PLEKHA5: variants seen among roughly 807,000 people sequenced by gnomAD.
PLEKHA5 encodes pleckstrin homology domain-containing family A member 5.
PLEKHA5 carries 55 observed loss-of-function variants against 181.9 expected under a neutral mutation model. That is an observed-to-expected ratio of 0.30 (90% CI 0.24 to 0.38). The LOEUF is 0.38. Among genes scored for constraint, PLEKHA5 ranks in the 10% least tolerant of loss-of-function variants. The pLI is 1.00. For synonymous variants in PLEKHA5, 535 were observed against 529.4 expected (o/e 1.01, Z -0.15); for missense variants, 1,432 against 1,549.5 (o/e 0.92, Z 1.27).
chr12:19,285,248 A>G (rs1192137058), intron 12 of PLEKHA5, among the ~76,000 whole-genome samples: 1 of 152,222 alleles, frequency 6.6e-6, no homozygotes, highest in Non-Finnish European at 1.5e-5. Flanking sequence ...AATACAACTT[A>G]ATGTGTATGG....
intron 15 of PLEKHA5, among the ~76,000 whole-genome samples, chr12:19,305,724 G>A (rs1312726761): frequency 6.6e-6 from 1 of 151,796 alleles, no homozygotes; most frequent in Non-Finnish European, 1.5e-5. Context: ...ACTGGGCATT[G>A]TGGCACATGC....
chr12:19,290,810 A>T lies in PLEKHA5; in HGVS notation c.1983+14A>T, dbSNP rs1464281837. 1.3e-6 allele frequency: 2 copies of T among 1,518,532 alleles called. No homozygotes were observed. Among genetic ancestry groups the T allele is most frequent in the East Asian group, 4.9e-5 (2 of 40,568 alleles). The allele number at this position is 1,518,532 out of a possible 1,614,324, so 94.1% of individuals were successfully genotyped here. A position where few individuals can be genotyped will look rare whatever the true frequency, so the allele number is the denominator to read the frequency against. On this transcript the variant is annotated intron_variant, in intron 14 of 31. Coordinates refer to ENST00000429027, the MANE Select transcript of PLEKHA5 (RefSeq NM_001256470.2). ...CACAGCCCAAAGGTCAGCTATGGAG[A>T]GATTTGTCTGTGTCGTCTGCCATCA...
intron 3 of PLEKHA5, among the ~76,000 whole-genome samples, chr12:19,246,429 C>T (rs2063761921): frequency 6.6e-6 from 1 of 151,692 alleles, no homozygotes. Context: ...TTGAGACCAG[C>T]CTGGCTATGA....
chr12:19,264,357 G>C (rs1428514990), intron 7 of PLEKHA5, among the ~76,000 whole-genome samples: 1 of 151,232 alleles, frequency 6.6e-6, no homozygotes, highest in Non-Finnish European at 1.5e-5. Flanking sequence ...CTTTAGAAAA[G>C]ATTATTTTAT....
chr12:19,352,024 C>T (rs1056147812), intron 25 of PLEKHA5, among the ~76,000 whole-genome samples: 20 of 144,342 alleles, frequency 1.4e-4, no homozygotes, highest in Admixed American at 5.9e-4. Flanking sequence ...TACAGTGAGC[C>T]GAGATCACGC....
Position 19,203,100 on chromosome 12 carries a change from C to A in PLEKHA5, c.228-50840C>A, listed in dbSNP as rs977802758. Among the ~76,000 whole-genome samples the A allele has an allele frequency of 2.6e-5, 4 of 152,154 alleles. No individual in the cohort carries two copies. In the East Asian group the frequency reaches 7.7e-4, roughly 29 times the overall value. ...CAAGTTTAAAGGATATATGTAATTA[C>A]AAGATGATCTCAATTTTAAATCAGA... On this transcript the variant is annotated intron_variant, in intron 3 of 31. Transcript: ENST00000429027.
intron 10 of PLEKHA5, among the ~76,000 whole-genome samples, chr12:19,271,380 T>G (rs1364607723): frequency 6.6e-6 from 1 of 152,034 alleles, no homozygotes; most frequent in East Asian, 1.9e-4. Context: ...TACCACACTC[T>G]TGTAGTCCCT....
At chr12:19,292,427 AAGAG>A (rs1025303080) in intron 15 of PLEKHA5, among the ~76,000 whole-genome samples, 1 of 152,028 alleles carries the variant, frequency 6.6e-6, no homozygotes, top group Non-Finnish European at 1.5e-5. Context: ...GAAACAGAGA[AAGAG>A]AGAGAGGGAG....
chr12:19,210,037 A>G (rs1007843461), intron 3 of PLEKHA5, among the ~76,000 whole-genome samples: 1 of 152,130 alleles, frequency 6.6e-6, no homozygotes, highest in African/African-American at 2.4e-5. Flanking sequence ...TCCTAATGTT[A>G]AAAAAATCTT....
intron 2 of PLEKHA5, among the ~76,000 whole-genome samples, chr12:19,132,066 A>G (rs978576569): frequency 6.6e-6 from 1 of 151,704 alleles, no homozygotes; most frequent in African/African-American, 2.4e-5. Context: ...TTTTTTTGCT[A>G]GTCATTCATG....
chr12:19,247,205 T>A (rs1565514398), intron 3 of PLEKHA5, among the ~76,000 whole-genome samples: 2 of 152,232 alleles, frequency 1.3e-5, no homozygotes, highest in Non-Finnish European at 2.9e-5. Flanking sequence ...AGTGCTGTCA[T>A]ACAGTTTTAG....
intron 15 of PLEKHA5, among the ~76,000 whole-genome samples, chr12:19,314,270 A>G (rs1280713572): frequency 6.6e-6 from 1 of 152,174 alleles, no homozygotes; most frequent in Non-Finnish European, 1.5e-5. Context: ...GTGGTATTAT[A>G]CTGTGAGAAA....
chr12:19,250,604 TA>T (rs887051261), intron 3 of PLEKHA5, among the ~76,000 whole-genome samples: 5 of 150,764 alleles, frequency 3.3e-5, no homozygotes, highest in South Asian at 2.1e-4. Flanking sequence ...GATAATAAAA[TA>T]AAAAAAAATA....
intron 3 of PLEKHA5, among the ~76,000 whole-genome samples, chr12:19,197,986 C>T (rs1306600100): frequency 3.3e-5 from 5 of 152,072 alleles, no homozygotes; most frequent in African/African-American, 4.8e-5. Flanking sequence ...CCCTCCAAAA[C>T]GTATCCCAAA....
At chr12:19,169,957 T>C (rs1215724152) in intron 3 of PLEKHA5, among the ~76,000 whole-genome samples, 1 of 152,244 alleles carries the variant, frequency 6.6e-6, no homozygotes, top group Admixed American at 6.5e-5. Flanking sequence ...TGTTAATCAC[T>C]ATCTGTAGAG....
At chr12:19,328,498 A>G (rs997093233) in intron 20 of PLEKHA5, among the ~76,000 whole-genome samples, 1 of 151,862 alleles carries the variant, frequency 6.6e-6, no homozygotes, top group African/African-American at 2.4e-5. Flanking sequence ...TTCTTTCAAC[A>G]GTGTTTTGTA....
At chr12:19,269,294 G>T (rs2071708242) in intron 8 of PLEKHA5, among the ~76,000 whole-genome samples, 2 of 151,666 alleles carry the variant, frequency 1.3e-5, no homozygotes, top group South Asian at 4.1e-4. Context: ...TGCTGAGGCA[G>T]GAGAATCGCT....
At chr12:19,350,760 CA>C (rs375117198) in intron 25 of PLEKHA5, among the ~76,000 whole-genome samples, 1 of 149,378 alleles carries the variant, frequency 6.7e-6, no homozygotes, top group African/African-American at 2.5e-5. Flanking sequence ...GACTCCATCT[CA>C]AAAAAAAACA....
chr12:19,263,174 A>AT (rs144466225), intron 7 of PLEKHA5, among the ~76,000 whole-genome samples: 25,846 of 151,314 alleles, frequency 0.17, 2,210 homozygotes, highest in Middle Eastern at 0.24. Flanking sequence ...TAGCCTATAT[A>AT]TTTTTTTTTG....
Sources: gnomAD v4.1 joint callset for allele counts (sites outside exome capture counted in the v4.1 genomes callset) on GRCh38, gnomAD v4.1.1 for gene constraint, MANE v1.5 for transcripts, NCBI Gene and HGNC (gene_info 2026-07-23, HGNC 2026-07-21) for gene names.